LHFPL3: variants seen among roughly 807,000 people sequenced by gnomAD.
LHFPL3 encodes LHFPL tetraspan subfamily member 3 protein.
A neutral mutation model predicts 19.3 loss-of-function variants in LHFPL3; 5 were observed. That is an observed-to-expected ratio of 0.26 (90% confidence interval 0.14 to 0.54). LHFPL3 has a LOEUF of 0.54. LHFPL3 is among the 20% of genes least tolerant of loss of function. The pLI, the probability that LHFPL3 is intolerant of heterozygous loss-of-function variation, is 0.94. For synonymous variants in LHFPL3, 133 were observed against 126.2 expected (o/e 1.05, Z -0.36); for missense variants, 249 against 307.4 (o/e 0.81, Z 1.42).
chr7:104,382,355 G>A (rs1183386969), intron 1 of LHFPL3, among the ~76,000 whole-genome samples: 1 of 152,206 alleles, frequency 6.6e-6, no homozygotes, highest in African/African-American at 2.4e-5. Context: ...AGGCGTGGTG[G>A]CGCATGCCTG....
chr7:104,570,874 T>C (rs1790218913), intron 1 of LHFPL3, among the ~76,000 whole-genome samples: 1 of 152,174 alleles, frequency 6.6e-6, no homozygotes, highest in Non-Finnish European at 1.5e-5. Flanking sequence ...TTTCTTATGC[T>C]CTCCTAAATG....
chr7:104,709,308 T>C (rs557890815), intron 1 of LHFPL3, among the ~76,000 whole-genome samples: 26 of 142,724 alleles, frequency 1.8e-4, no homozygotes, highest in African/African-American at 6.0e-4. Context: ...CATAGGACAA[T>C]AGTGGAGGGA....
chr7:104,777,122 G>A (rs1794648321), intron 2 of LHFPL3, among the ~76,000 whole-genome samples: 1 of 152,208 alleles, frequency 6.6e-6, no homozygotes, highest in Non-Finnish European at 1.5e-5. Flanking sequence ...ATAGCCCATA[G>A]ATTATTATGT....
intron 1 of LHFPL3, 92 bp downstream of exon 1, chr7:104,329,316 C>T: frequency 1.4e-6 from 2 of 1,452,890 alleles, no homozygotes; most frequent in Non-Finnish European, 1.8e-6. Context: ...GCTGTGCGCG[C>T]CGCTGCGAGC....
intron 1 of LHFPL3, among the ~76,000 whole-genome samples, chr7:104,729,089 A>G (rs1793641931): frequency 6.6e-6 from 1 of 152,186 alleles, no homozygotes; most frequent in African/African-American, 2.4e-5. Flanking sequence ...ATTCTCCAGG[A>G]TTTCTTAATT....
intron 2 of LHFPL3, chr7:104,759,747 G>A (rs1195366917): frequency 6.6e-6 from 1 of 152,194 alleles, no homozygotes; most frequent in Non-Finnish European, 1.5e-5. Context: ...GAAGGGAAGA[G>A]GAAAAGCACC....
At chr7:104,840,307 T>TA (rs1791173119) in intron 2 of LHFPL3, among the ~76,000 whole-genome samples, 1 of 43,480 alleles carries the variant, frequency 2.3e-5, no homozygotes, top group East Asian at 7.6e-4. Context: ...TTGTGGGTTT[T>TA]CTTTTTTTTT....
intron 2 of LHFPL3, among the ~76,000 whole-genome samples, chr7:104,854,735 G>A (rs1791471551): frequency 6.6e-6 from 1 of 152,084 alleles, no homozygotes; most frequent in African/African-American, 2.4e-5. Context: ...GAAAAAAAGG[G>A]AATAAAGCAA....
At chr7:104,849,717 T>A (rs1791379473) in intron 2 of LHFPL3, among the ~76,000 whole-genome samples, 1 of 152,176 alleles carries the variant, frequency 6.6e-6, no homozygotes, top group Admixed American at 6.5e-5. Flanking sequence ...ATAGACTGAG[T>A]GGGGAAACCC....
intron 1 of LHFPL3, among the ~76,000 whole-genome samples, chr7:104,679,452 A>G (rs139848229): frequency 0.01 from 1,531 of 152,352 alleles, 18 homozygotes; most frequent in Middle Eastern, 0.02. Context: ...GTAGGGAGTT[A>G]GGCTCTGCCT....
chr7:104,812,624 A>AC (rs1367346612), intron 2 of LHFPL3, among the ~76,000 whole-genome samples: 6 of 151,160 alleles, frequency 4.0e-5, no homozygotes, highest in Admixed American at 2.6e-4. Context: ...ACATAGAGAG[A>AC]CCCCATCTCT....
At chr7:104,404,651 G>T (rs1451821519) in intron 1 of LHFPL3, among the ~76,000 whole-genome samples, 1 of 152,134 alleles carries the variant, frequency 6.6e-6, no homozygotes. Context: ...CTGTCTCCTT[G>T]CTTTTCTGCC....
intron 2 of LHFPL3, among the ~76,000 whole-genome samples, chr7:104,882,776 T>C (rs1792081757): frequency 6.6e-6 from 1 of 152,224 alleles, no homozygotes; most frequent in African/African-American, 2.4e-5. Context: ...AGAGGTGTTT[T>C]ATGATATGTG....
chr7:104,366,322 G>T (rs981857566), intron 1 of LHFPL3, among the ~76,000 whole-genome samples: 1 of 152,156 alleles, frequency 6.6e-6, no homozygotes, highest in Non-Finnish European at 1.5e-5. Context: ...ACAGAGTGCT[G>T]GATTGTGAGT....
chr7:104,331,638 T>G (rs184005270), intron 1 of LHFPL3, among the ~76,000 whole-genome samples: 79 of 152,246 alleles, frequency 5.2e-4, no homozygotes, highest in Admixed American at 3.9e-3. Flanking sequence ...TAATATAAAC[T>G]ATTGTAAGTT....
At position 104,788,122 on chromosome 7, in the gene LHFPL3, G is replaced by A. The variant is rs75813071; in HGVS notation, c.682+51211G>A. ...AGAAACCATTTATTTCTGCTCACGC[G>A]TGGGGGAAAACATAATTTCTTTATG... is the stretch of plus-strand genomic sequence containing the variant. On this transcript the variant is annotated intron_variant, in intron 2 of 2. Coordinates refer to ENST00000424859, the MANE Select transcript of LHFPL3 (RefSeq NM_199000.3). 1.4e-4 allele frequency among the ~76,000 whole-genome samples: 21 copies of A among 152,250 alleles called. No individual in the cohort carries two copies. The East Asian group carries it at 1.5e-3, about 11-fold the overall frequency.
At chr7:104,460,862 C>G (rs1049230717) in intron 1 of LHFPL3, among the ~76,000 whole-genome samples, 1 of 152,092 alleles carries the variant, frequency 6.6e-6, no homozygotes, top group Non-Finnish European at 1.5e-5. Flanking sequence ...TCCTGTTTGT[C>G]AATTTTTGCT....
At chr7:104,391,363 A>G (rs1414499999) in intron 1 of LHFPL3, among the ~76,000 whole-genome samples, 2 of 152,132 alleles carry the variant, frequency 1.3e-5, no homozygotes, top group African/African-American at 4.8e-5. Context: ...ATTTTTGTAT[A>G]AGGTGTAAGG....
intron 2 of LHFPL3, among the ~76,000 whole-genome samples, chr7:104,775,966 G>T: frequency 6.6e-6 from 1 of 151,452 alleles, no homozygotes; most frequent in African/African-American, 2.4e-5. Flanking sequence ...TCAGAATCTT[G>T]GAATGCATTG....
Sources: allele counts gnomAD v4.1 joint callset (sites outside exome capture counted in the v4.1 genomes callset), GRCh38; gene constraint gnomAD v4.1.1; transcripts MANE v1.5; gene names NCBI Gene and HGNC (gene_info 2026-07-23, HGNC 2026-07-21).